Variants in ARK2C observed in about 807,000 individuals in gnomAD.
ARK2C encodes arkadia (RNF111) C-terminal like ring finger ubiquitin ligase 2C, also known as E3 ubiquitin-protein ligase ARK2C.
chr18:46,381,889 C>T, the ARK2C span, among the ~76,000 whole-genome samples: 9 of 152,056 alleles, frequency 5.9e-5, no homozygotes, highest in African/African-American at 1.4e-4. Flanking sequence ...GCACCACCGG[C>T]GAGCAGGTGT....
At chr18:46,362,917 G>A in the ARK2C span, among the ~76,000 whole-genome samples, 1 of 152,216 alleles carries the variant, frequency 6.6e-6, no homozygotes, top group East Asian at 1.9e-4. Flanking sequence ...ATCACCGGGA[G>A]GGATAGTGGC....
At chr18:46,403,209 C>G in the ARK2C span, among the ~76,000 whole-genome samples, 3 of 152,172 alleles carry the variant, frequency 2.0e-5, no homozygotes, top group Non-Finnish European at 4.4e-5. Context: ...GTGCCAGAGT[C>G]TGGCACCTGG....
At chr18:46,369,988 G>T in the ARK2C span, among the ~76,000 whole-genome samples, 1 of 152,068 alleles carries the variant, frequency 6.6e-6, no homozygotes, top group Non-Finnish European at 1.5e-5. Flanking sequence ...CCCTAGACTT[G>T]GGAATGATTC....
chr18:46,372,725 G>C, the ARK2C span, among the ~76,000 whole-genome samples: 1 of 152,224 alleles, frequency 6.6e-6, no homozygotes. Flanking sequence ...GGAACAAAAA[G>C]CTTCTGTTAC....
At chr18:46,387,568 C>G in the ARK2C span, among the ~76,000 whole-genome samples, 1 of 152,276 alleles carries the variant, frequency 6.6e-6, no homozygotes, top group Non-Finnish European at 1.5e-5. Context: ...CCCGGCACCA[C>G]CTGGGTGTAG....
the ARK2C span, among the ~76,000 whole-genome samples, chr18:46,342,508 C>G: frequency 6.6e-6 from 1 of 152,210 alleles, no homozygotes; most frequent in African/African-American, 2.4e-5. Context: ...GCATGGTGGA[C>G]CAGAAACTCT....
chr18:46,398,649 T>C, the ARK2C span, among the ~76,000 whole-genome samples: 20 of 151,988 alleles, frequency 1.3e-4, no homozygotes, highest in African/African-American at 4.8e-4. Context: ...TGGGTCTGAA[T>C]TGCAGGGGTC....
chr18:46,414,740 G>A, the ARK2C span, among the ~76,000 whole-genome samples: 1 of 152,196 alleles, frequency 6.6e-6, no homozygotes, highest in Non-Finnish European at 1.5e-5. Context: ...ACAGCACGTG[G>A]AATCCTGGTC....
the ARK2C span, among the ~76,000 whole-genome samples, chr18:46,417,716 C>T: frequency 6.6e-6 from 1 of 152,162 alleles, no homozygotes; most frequent in East Asian, 1.9e-4. Context: ...AGAAGTATAA[C>T]ATAAGGCCGG....
At chr18:46,380,349 G>A in the ARK2C span, among the ~76,000 whole-genome samples, 300 of 152,362 alleles carry the variant, frequency 2.0e-3, 1 homozygote, top group Non-Finnish European at 3.3e-3. Flanking sequence ...GGGAGTGTGC[G>A]CAGGGGACAT....
the ARK2C span, among the ~76,000 whole-genome samples, chr18:46,440,232 T>C: frequency 1.3e-5 from 2 of 152,150 alleles, no homozygotes; most frequent in African/African-American, 4.8e-5. Context: ...CAGTTACCCA[T>C]GTAAACCACG....
the ARK2C span, among the ~76,000 whole-genome samples, chr18:46,352,740 G>A: frequency 6.6e-6 from 1 of 152,172 alleles, no homozygotes; most frequent in South Asian, 2.1e-4. Context: ...GCTAAACTGG[G>A]TCACGTAACC....
At chr18:46,419,492 C>T in the ARK2C span, among the ~76,000 whole-genome samples, 7,633 of 152,290 alleles carry the variant, frequency 0.05, 214 homozygotes, top group South Asian at 0.078. Flanking sequence ...CAAGTCACTC[C>T]CCTGAGAGCC....
the ARK2C span, among the ~76,000 whole-genome samples, chr18:46,455,569 G>A: frequency 6.6e-6 from 1 of 152,140 alleles, no homozygotes; most frequent in African/African-American, 2.4e-5. Context: ...GGGCAAGGTG[G>A]CTCACATCTA....
the ARK2C span, among the ~76,000 whole-genome samples, chr18:46,348,856 C>T: frequency 6.6e-6 from 1 of 151,874 alleles, no homozygotes; most frequent in African/African-American, 2.4e-5. Flanking sequence ...GCTTTAGCAG[C>T]ATTTCCCAAA....
the ARK2C span, among the ~76,000 whole-genome samples, chr18:46,359,637 C>A: frequency 6.6e-6 from 1 of 152,206 alleles, no homozygotes; most frequent in African/African-American, 2.4e-5. Context: ...TGTTTAAAAT[C>A]TGCAGTTTAT....
the ARK2C span, among the ~76,000 whole-genome samples, chr18:46,364,742 G>A: frequency 3.3e-5 from 5 of 152,314 alleles, no homozygotes; most frequent in South Asian, 1.0e-3. Flanking sequence ...CTCACATACT[G>A]ATGGAGGGTG....
At chr18:46,404,815 A>AAAAC in the ARK2C span, among the ~76,000 whole-genome samples, 4 of 151,876 alleles carry the variant, frequency 2.6e-5, no homozygotes, top group African/African-American at 7.3e-5. Flanking sequence ...CCCCCCCACC[A>AAAAC]AAACAAACAA....
the ARK2C span, among the ~76,000 whole-genome samples, chr18:46,397,667 TGTG>T: frequency 6.3e-5 from 6 of 95,232 alleles, no homozygotes; most frequent in Admixed American, 1.1e-4. Context: ...GGGGCAGAAT[TGTG>T]TGTGTGTGTG....
Sources: gnomAD v4.1 joint callset for allele counts (sites outside exome capture counted in the v4.1 genomes callset) on GRCh38, gnomAD v4.1.1 for gene constraint, MANE v1.5 for transcripts, NCBI Gene and HGNC (gene_info 2026-07-23, HGNC 2026-07-21) for gene names.